The following SNX29 variants were observed in gnomAD, a reference collection of about 807,000 sequenced individuals.
SNX29 encodes sorting nexin-29.
Under a neutral mutation model 102.1 loss-of-function variants are expected in SNX29, and 78 were observed. That is an observed-to-expected ratio of 0.76 (90% CI 0.64 to 0.92). The LOEUF (loss-of-function observed/expected upper bound fraction) is 0.92, where lower values mean the gene tolerates loss of function less well. Ranked by LOEUF, SNX29 falls within the 40% of genes least tolerant of loss-of-function variation. The pLI is 0.00. For missense variants in SNX29, 1,280 were observed against 1,061.7 expected (o/e 1.21, Z -2.86); for synonymous variants, 580 against 414.5 (o/e 1.40, Z -4.85).
intron 19 of SNX29, among the ~76,000 whole-genome samples, chr16:12,506,388 C>G (rs2089380686): frequency 6.6e-6 from 1 of 152,130 alleles, no homozygotes. Context: ...ACTACTTGGT[C>G]TGGAAATGGG....
At chr16:12,396,826 A>G (rs940082918) in intron 16 of SNX29, among the ~76,000 whole-genome samples, 2 of 152,258 alleles carry the variant, frequency 1.3e-5, no homozygotes, top group African/African-American at 2.4e-5. Context: ...TATATAATGT[A>G]TCTGCTTATG....
chr16:12,321,941 A>G (rs1470980742), intron 15 of SNX29, among the ~76,000 whole-genome samples: 1 of 152,160 alleles, frequency 6.6e-6, no homozygotes, highest in African/African-American at 2.4e-5. Context: ...TAGGGCCCCG[A>G]TTCTGGCTGA....
chr16:12,450,476 AC>A (rs1308141638), intron 18 of SNX29, among the ~76,000 whole-genome samples: 1 of 152,166 alleles, frequency 6.6e-6, no homozygotes, highest in East Asian at 1.9e-4. Context: ...GAAAAGCTGC[AC>A]CCAATCATAG....
intron 13 of SNX29, among the ~76,000 whole-genome samples, chr16:12,147,691 T>C (rs2055122763): frequency 6.6e-6 from 1 of 152,208 alleles, no homozygotes; most frequent in East Asian, 1.9e-4. Flanking sequence ...TTTCCCTCTT[T>C]GCCTCCGGAG....
intron 20 of SNX29, among the ~76,000 whole-genome samples, chr16:12,560,368 T>C (rs1376910788): frequency 6.6e-6 from 1 of 152,184 alleles, no homozygotes; most frequent in Non-Finnish European, 1.5e-5. Context: ...GGTGACAGGT[T>C]GTGCGCTCAG....
intron 18 of SNX29, among the ~76,000 whole-genome samples, chr16:12,477,277 C>T (rs1033814788): frequency 2.6e-5 from 4 of 152,090 alleles, no homozygotes; most frequent in African/African-American, 9.7e-5. Flanking sequence ...CGGTGTGGTC[C>T]CAGGCACCAC....
chr16:12,219,221 T>C (rs1049464874), intron 14 of SNX29, among the ~76,000 whole-genome samples: 2 of 152,170 alleles, frequency 1.3e-5, no homozygotes, highest in African/African-American at 4.8e-5. Flanking sequence ...GCAAACCACA[T>C]GTTATATCGT....
chr16:12,081,401 T>G (rs963005189), intron 11 of SNX29: 1 of 152,102 alleles, frequency 6.6e-6, no homozygotes, highest in African/African-American at 2.4e-5. Context: ...AAGTAGGGAT[T>G]GAAACCAAAC....
intron 10 of SNX29, among the ~76,000 whole-genome samples, chr16:12,074,455 C>A (rs1260074900): frequency 6.6e-6 from 1 of 152,084 alleles, no homozygotes; most frequent in Admixed American, 6.6e-5. Context: ...ATATGAAATT[C>A]TGGGTTGAAA....
rs905103590 is a variant in SNX29 at position 12,498,902 on chromosome 16, T to G, written c.2178+21043T>G. On this transcript the variant is annotated intron_variant, in intron 19 of 20. Coordinates refer to ENST00000566228, the MANE Select transcript of SNX29 (RefSeq NM_032167.5). ...TGGTAGGTTTTTCAGAAGCTAGCAG[T>G]GAACTATCATCTAGGATTGATCTGC... is the stretch of plus-strand genomic sequence containing the variant. 9.5e-4 allele frequency among the ~76,000 whole-genome samples: 145 copies of G among 152,304 alleles called. 2 individuals are homozygous for G. Among genetic ancestry groups the G allele is most frequent in the Non-Finnish European group, 8.8e-5 (6 of 68,036 alleles).
At chr16:12,515,440 C>G in intron 19 of SNX29, 1 of 464,458 alleles carries the variant, frequency 2.2e-6, no homozygotes, top group Non-Finnish European at 4.3e-6. Context: ...ATCCGCAAGT[C>G]ACCCCTGAAA....
chr16:12,407,854 C>G (rs2084229704), intron 18 of SNX29, among the ~76,000 whole-genome samples: 1 of 152,200 alleles, frequency 6.6e-6, no homozygotes, highest in East Asian at 1.9e-4. Context: ...ATGGCATGTG[C>G]CTGTAGTCCC....
intron 14 of SNX29, among the ~76,000 whole-genome samples, chr16:12,203,306 T>A (rs1229449380): frequency 6.6e-6 from 1 of 152,090 alleles, no homozygotes; most frequent in East Asian, 1.9e-4. Context: ...CTGGTGGTAT[T>A]GGAGGTGACA....
intron 18 of SNX29, among the ~76,000 whole-genome samples, chr16:12,468,518 C>G (rs2087181214): frequency 1.3e-5 from 2 of 152,006 alleles, no homozygotes; most frequent in African/African-American, 2.4e-5. Context: ...TAATCCAACC[C>G]CACTCCCAGG....
At chr16:12,457,611 G>A (rs1429759201) in intron 18 of SNX29, among the ~76,000 whole-genome samples, 1 of 152,208 alleles carries the variant, frequency 6.6e-6, no homozygotes, top group Non-Finnish European at 1.5e-5. Context: ...CTCACTCTGG[G>A]TCTTTGGGCA....
At chr16:12,237,227 A>T (rs908626435) in intron 14 of SNX29, among the ~76,000 whole-genome samples, 2 of 152,090 alleles carry the variant, frequency 1.3e-5, no homozygotes, top group African/African-American at 4.8e-5. Context: ...CATAAAACAG[A>T]AAAAGGGAGT....
chr16:12,559,412 T>TA (rs540005993), intron 20 of SNX29, among the ~76,000 whole-genome samples: 2 of 151,386 alleles, frequency 1.3e-5, no homozygotes, highest in African/African-American at 4.9e-5. Context: ...AGGGACCATC[T>TA]AGTTGCAGGA....
chr16:12,542,974 T>C (rs563561954), intron 20 of SNX29, among the ~76,000 whole-genome samples: 1 of 152,252 alleles, frequency 6.6e-6, no homozygotes, highest in African/African-American at 2.4e-5. Context: ...AAGTACTTAC[T>C]ACTCCTGTAA....
Position 12,007,988 on chromosome 16 carries a change from G to T in SNX29, c.122+4945G>T, listed in dbSNP as rs142487648. On this transcript the variant is annotated intron_variant, in intron 3 of 20. Coordinates refer to ENST00000566228, the MANE Select transcript of SNX29 (RefSeq NM_032167.5). ...AGATGGAGTCTCGCTCTGTCACCCA[G>T]GCCGGAGTGCAGTGGCGCTATCTCG... Among the ~76,000 whole-genome samples, 16 of 152,150 alleles carry T rather than the reference G, an allele frequency of 1.1e-4. No individual in the cohort carries two copies. The East Asian group carries it at 3.1e-3, about 29-fold the overall frequency.
Sources: allele counts gnomAD v4.1 joint callset (sites outside exome capture counted in the v4.1 genomes callset), GRCh38; gene constraint gnomAD v4.1.1; transcripts MANE v1.5; gene names NCBI Gene and HGNC (gene_info 2026-07-23, HGNC 2026-07-21).